Variants in SHISA5 observed in about 807,000 individuals in gnomAD.
SHISA5 encodes protein shisa-5.
SHISA5 carries 21 observed loss-of-function variants against 27.5 expected under a neutral mutation model. That is an observed-to-expected ratio of 0.76 (90% CI 0.54 to 1.10). The LOEUF (loss-of-function observed/expected upper bound fraction) is 1.10, where lower values mean the gene tolerates loss of function less well. SHISA5 is among the 50% of genes least tolerant of loss of function. The pLI, the probability that SHISA5 is intolerant of heterozygous loss-of-function variation, is 0.00. For synonymous variants in SHISA5, 137 were observed against 142.2 expected (o/e 0.96, Z 0.26); for missense variants, 314 against 336.3 (o/e 0.93, Z 0.52).
At position 48,469,403 on chromosome 3, in the gene SHISA5, CTGGGTAAGGTGG is replaced by C; in HGVS notation, c.589_600del (p.Pro197_Pro200del). 1 of 1,605,754 alleles carries C rather than the reference CTGGGTAAGGTGG, an allele frequency of 6.2e-7. No individual in the cohort carries two copies. The highest frequency in any genetic ancestry group is 8.5e-7 in the Non-Finnish European group (1 of 1,174,712). ...TAGGCCGGTGGGCCCATGGGCTGGGCTGGGTAAGGTGGTGGGTACTGCATTGGGTAGGGTGCT... is the reference window on the plus strand; with the variant it reads ...TAGGCCGGTGGGCCCATGGGCTGGGCTGGGTACTGCATTGGGTAGGGTGCT... On this transcript the variant is annotated inframe_deletion, in exon 5 of 6. Transcript: ENST00000296444. This position sits in a 1 kb window ranked among gnomAD's most constrained non-coding sequence, Gnocchi z 4.6.
chr3:48,490,913 G>C (rs2041401538), intron 2 of SHISA5, among the ~76,000 whole-genome samples: 2 of 152,152 alleles, frequency 1.3e-5, no homozygotes, highest in African/African-American at 4.8e-5. Context: ...TCTAAGGGCA[G>C]CCACTAGAAG....
intron 3 of SHISA5, among the ~76,000 whole-genome samples, chr3:48,471,212 A>G (rs1443646387): frequency 6.6e-6 from 1 of 152,078 alleles, no homozygotes; most frequent in Non-Finnish European, 1.5e-5. Context: ...CAGGGGTCTC[A>G]CTATGTTACC....
chr3:48,489,822 G>T (rs1427819339), intron 2 of SHISA5, among the ~76,000 whole-genome samples: 5 of 151,470 alleles, frequency 3.3e-5, no homozygotes, highest in East Asian at 3.9e-4. Flanking sequence ...TGGAGACGAG[G>T]TCTCACTATA....
chr3:48,484,344 C>T (rs1405170748), intron 2 of SHISA5, among the ~76,000 whole-genome samples: 1 of 152,154 alleles, frequency 6.6e-6, no homozygotes, highest in African/African-American at 2.4e-5. Context: ...GCCTGTAATC[C>T]CTACACTTTG....
At chr3:48,499,864 C>CA (rs55724575) in intron 2 of SHISA5, among the ~76,000 whole-genome samples, 13,106 of 46,944 alleles carry the variant, frequency 0.28, 2,135 homozygotes, top group East Asian at 0.56. Flanking sequence ...GACTCCGTCT[C>CA]AAAAAAAAAA....
chr3:48,503,350 C>T (rs1296183722), intron 1 of SHISA5, among the ~76,000 whole-genome samples: 1 of 152,308 alleles, frequency 6.6e-6, no homozygotes, highest in African/African-American at 2.4e-5. Flanking sequence ...TTTCTCTAGC[C>T]CAGGTCCTCT....
At chr3:48,504,443 G>A (rs1297507304), upstream of SHISA5, 3 of 211,570 alleles carry the variant, frequency 1.4e-5, no homozygotes, top group Non-Finnish European at 2.8e-5. This position sits in a 1 kb window ranked among gnomAD's most constrained non-coding sequence, Gnocchi z 4.0. Context: ...GGGGGCGGCG[G>A]CGGCCCCCAG....
At position 48,499,225 on chromosome 3, in the gene SHISA5, G is replaced by A. The variant is rs1267847593; in HGVS notation, c.233+1912C>T. On this transcript the variant is annotated intron_variant, in intron 2 of 5. Coordinates refer to ENST00000296444, the MANE Select transcript of SHISA5 (RefSeq NM_016479.6). ...GTCTCACTCTGTTGCCCAGGCTGGA[G>A]TGCAGTGGCACCAATCACGACTTAC... Among the ~76,000 whole-genome samples, 3 of 151,758 alleles carry A rather than the reference G, an allele frequency of 2.0e-5. No homozygotes were observed. In the East Asian group the frequency reaches 5.8e-4, roughly 29 times the overall value.
At chr3:48,503,618 G>T in intron 1 of SHISA5, 1 of 804,698 alleles carries the variant, frequency 1.2e-6, no homozygotes, top group Non-Finnish European at 1.6e-6. Flanking sequence ...CAGCGGTGGG[G>T]GCTCCCAGAC....
intron 2 of SHISA5, chr3:48,479,595 A>AT (rs1018882641): frequency 4.0e-4 from 109 of 275,904 alleles, no homozygotes; most frequent in South Asian, 1.2e-3. Flanking sequence ...GTTTATTATA[A>AT]TTTTTTTTTG....
rs1268409480 is a variant in SHISA5, at chr3:48,469,521, C to T, written c.483G>A (p.Gln161=). The T allele has an allele frequency of 1.6e-5, 26 of 1,613,516 alleles. No individual in the cohort carries two copies. Among genetic ancestry groups the T allele is most frequent in the Non-Finnish European group, 2.0e-5 (24 of 1,179,790 alleles). The change falls in exon 5 of 6, where the codon CAG becomes CAA. Residue 161 remains glutamine, a synonymous_variant. Coordinates refer to ENST00000296444, the MANE Select transcript of SHISA5 (RefSeq NM_016479.6). The surrounding 1 kb of genome is among the most constrained non-coding windows in gnomAD (Gnocchi z 4.6). The part of the protein sequence containing the change: ...STTVVHAPYP[Q]PPSVPPSYPG... ...GGTAGCTGGGCGGCACACTTGGAGG[C>T]TGAGGATAAGGGGCATGCACCACAG... is the stretch of plus-strand genomic sequence containing the variant.
rs1228507085 is a variant in SHISA5, at chr3:48,469,664, A to T, written c.430+64T>A. On this transcript the variant is annotated intron_variant, in intron 4 of 5. Coordinates refer to ENST00000296444, the MANE Select transcript of SHISA5 (RefSeq NM_016479.6). This position sits in a 1 kb window ranked among gnomAD's most constrained non-coding sequence, Gnocchi z 4.6. Reference sequence around the variant, plus strand: ...CCCATCCCTCCAGCTTAGCCAAAGCAGGGCCTGGTCAGCTTCCCTTACCAC... The same window carrying T: ...CCCATCCCTCCAGCTTAGCCAAAGCTGGGCCTGGTCAGCTTCCCTTACCAC... The T allele has an allele frequency of 2.5e-6, 4 of 1,605,116 alleles. No individual in the cohort carries two copies. The Admixed American group carries it at 6.8e-5, about 27-fold the overall frequency.
At chr3:48,478,515 T>A (rs1028025095) in intron 3 of SHISA5, among the ~76,000 whole-genome samples, 1 of 151,910 alleles carries the variant, frequency 6.6e-6, no homozygotes, top group Non-Finnish European at 1.5e-5. Flanking sequence ...CCCGCCCTAG[T>A]GGCTGCACAC....
Position 48,468,152 on chromosome 3 carries a change from G to A in SHISA5, c.*955C>T. 1.0e-6 allele frequency: 1 copy of A among 1,000,480 alleles called. No individual in the cohort carries two copies. Among genetic ancestry groups the A allele is most frequent in the Non-Finnish European group, 1.2e-6 (1 of 837,706 alleles). The allele number at this position is 1,000,480 out of a possible 1,614,324, so 62.0% of individuals were successfully genotyped here. On this transcript the variant is annotated 3_prime_UTR_variant, in exon 6 of 6. Transcript: ENST00000296444. ...TGGTGTCGGGAAGCAGGGACTCACA[G>A]TTGCCAGGTTGTCCATCTCTGAGCC...
At chr3:48,479,618 A>C (rs918804976) in intron 2 of SHISA5, 1 of 206,336 alleles carries the variant, frequency 4.8e-6, no homozygotes, top group African/African-American at 2.3e-5. Flanking sequence ...TTTGAGATGG[A>C]GTCTTCCTCT....
chr3:48,483,854 C>T (rs1485304122), intron 2 of SHISA5, among the ~76,000 whole-genome samples: 4 of 151,872 alleles, frequency 2.6e-5, no homozygotes, highest in Non-Finnish European at 5.9e-5. Flanking sequence ...GGCGGCTGGC[C>T]GGGCGGGGGG....
At chr3:48,474,188 A>G (rs913529115) in intron 3 of SHISA5, among the ~76,000 whole-genome samples, 2 of 151,708 alleles carry the variant, frequency 1.3e-5, no homozygotes, top group Non-Finnish European at 2.9e-5. Context: ...CCCAGGCTCA[A>G]GTGATCCTCC....
intron 2 of SHISA5, among the ~76,000 whole-genome samples, chr3:48,488,457 G>A (rs2107353369): frequency 6.6e-6 from 1 of 150,714 alleles, no homozygotes; most frequent in African/African-American, 2.4e-5. Context: ...TTGATCTCCT[G>A]ACCTCATGAT....
Position 48,473,588 on chromosome 3 carries a change from C to A in SHISA5, c.315-3745G>T. ...ACCAGCACTCTCTCCAATCTGTCTC[C>A]CCATGTTCTCCCGGCCACCCTACTG... On this transcript the variant is annotated intron_variant, in intron 3 of 5. Coordinates refer to ENST00000296444, the MANE Select transcript of SHISA5 (RefSeq NM_016479.6). The surrounding 1 kb of genome is among the most constrained non-coding windows in gnomAD (Gnocchi z 4.3). 8.1e-7 allele frequency: 1 copy of A among 1,235,724 alleles called. No homozygotes were observed. The allele number at this position is 1,235,724 out of a possible 1,614,324, so 76.5% of individuals were successfully genotyped here.
Sources: allele counts gnomAD v4.1 joint callset (sites outside exome capture counted in the v4.1 genomes callset), GRCh38; gene constraint gnomAD v4.1.1; non-coding constraint Gnocchi (gnomAD v3.1); transcripts MANE v1.5; gene names NCBI Gene and HGNC (gene_info 2026-07-23, HGNC 2026-07-21).